The following TMEM39A variants were observed in gnomAD, a reference collection of about 807,000 sequenced individuals.
The protein encoded by TMEM39A is transmembrane protein 39A.
Under a neutral mutation model 51.9 loss-of-function variants are expected in TMEM39A, and 19 were observed. The ratio of observed to expected loss-of-function variants is 0.37; its 90% confidence interval spans 0.26 to 0.54. TMEM39A has a LOEUF of 0.54. TMEM39A is among the 20% of genes least tolerant of loss of function. The pLI, the probability that TMEM39A is intolerant of heterozygous loss-of-function variation, is 0.88. For missense variants in TMEM39A, 433 were observed against 590.5 expected (o/e 0.73, Z 2.76); for synonymous variants, 197 against 220.2 (o/e 0.89, Z 0.93).
Position 119,430,267 on chromosome 3 carries a change from CTATT to C in TMEM39A, c.*1710_*1713del, listed in dbSNP as rs1028227708. ...CTGTAACATGGAATTCTCCCCAAAG[CTATT>C]TATATGATTCAGTCTTGCTTTTTCT... is the stretch of plus-strand genomic sequence containing the variant. On this transcript the variant is annotated 3_prime_UTR_variant, in exon 9 of 9. Transcript: ENST00000319172. The C allele has an allele frequency of 7.9e-5, 12 of 152,112 alleles. No individual in the cohort carries two copies. The highest frequency in any genetic ancestry group is 4.6e-4 in the Admixed American group (7 of 15,252). 9.4% of individuals were successfully genotyped at this position (152,112 alleles called of 1,614,324 possible). A position where few individuals can be genotyped will look rare whatever the true frequency, so the allele number is the denominator to read the frequency against.
chr3:119,439,121 T>A (rs2081015317), intron 5 of TMEM39A, among the ~76,000 whole-genome samples: 1 of 152,206 alleles, frequency 6.6e-6, no homozygotes, highest in African/African-American at 2.4e-5. Context: ...AAGTGAACAT[T>A]TTTGAGACTT....
Sources: gnomAD v4.1 joint callset for allele counts (sites outside exome capture counted in the v4.1 genomes callset) on GRCh38, gnomAD v4.1.1 for gene constraint, MANE v1.5 for transcripts, NCBI Gene and HGNC (gene_info 2026-07-23, HGNC 2026-07-21) for gene names.